The following PSME2 variants were observed in gnomAD, a reference collection of about 807,000 sequenced individuals.
PSME2 encodes the protein proteasome activator subunit 2, also known as proteasome activator complex subunit 2.
PSME2 carries 20 observed loss-of-function variants against 38.8 expected under a neutral mutation model. The ratio of observed to expected loss-of-function variants is 0.52; its 90% CI spans 0.36 to 0.75. The LOEUF is 0.75. Ranked by LOEUF, PSME2 falls within the 30% of genes least tolerant of loss-of-function variation. The probability of loss-of-function intolerance (pLI) is 0.00; values close to 1 mark genes in which losing one functional copy is unlikely to be tolerated. For missense variants in PSME2, 227 were observed against 287.6 expected, an observed-to-expected ratio of 0.79 and a Z score of 1.52; for synonymous variants, 82 against 102.5, an observed-to-expected ratio of 0.80 and a Z score of 1.21.
Position 24,143,434 on chromosome 14 carries a change from C to T in PSME2, c.695G>A (p.Gly232Asp). 1.2e-6 allele frequency: 2 copies of T among 1,614,112 alleles called. No individual in the cohort carries two copies. The highest frequency in any genetic ancestry group is 1.7e-6 in the Non-Finnish European group (2 of 1,179,986). The stretch of plus-strand genomic sequence containing the variant: ...TCAGTACATAGATGGCTTTTCTTCA[C>T]CCTTTGGGTTGACAATTTTCTCCAG... Reference protein sequence around the residue: ...SNLEKIVNPKGEEKPSMY With the variant: ...SNLEKIVNPKDEEKPSMY The change falls in exon 11 of 11, where the codon GGT becomes GAT. Residue 232 changes from glycine to aspartate, a missense_variant. Physicochemically the swap from Gly to Asp is moderately conservative, Grantham distance 94. Transcript: ENST00000216802. The surrounding 1 kb of genome is among the most constrained non-coding windows in gnomAD (Gnocchi z 4.4).
In PSME2 at chr14:24,143,910, G is replaced by C; in HGVS notation, c.552+65C>G. The C allele has an allele frequency of 6.5e-7, 1 of 1,547,402 alleles. No individual in the cohort carries two copies. Among genetic ancestry groups the C allele is most frequent in the Non-Finnish European group, 8.9e-7 (1 of 1,121,470 alleles). On this transcript the variant is annotated intron_variant, in intron 9 of 10. Coordinates refer to ENST00000216802, the MANE Select transcript of PSME2 (RefSeq NM_002818.3). The surrounding 1 kb of genome is among the most constrained non-coding windows in gnomAD (Gnocchi z 4.4). Reference sequence around the variant, plus strand: ...GGGAAAGTCACAAACAAGACAAGGAGGACTTCTTCCTCCACACCTCCTCGT... The same window carrying C: ...GGGAAAGTCACAAACAAGACAAGGACGACTTCTTCCTCCACACCTCCTCGT...
In PSME2 at chr14:24,145,360, T is replaced by C. The variant is rs1308846805; in HGVS notation, c.231+19A>G. ...TCCATTGGGTTTATAGTCCAAGTCCTGCACCCTGAGTGCCTCACCTCATCA... is the reference window on the plus strand; with the variant it reads ...TCCATTGGGTTTATAGTCCAAGTCCCGCACCCTGAGTGCCTCACCTCATCA... On this transcript the variant is annotated intron_variant, in intron 4 of 10. Coordinates refer to ENST00000216802, the MANE Select transcript of PSME2 (RefSeq NM_002818.3). The C allele has an allele frequency of 2.5e-6, 4 of 1,607,854 alleles. No homozygotes were observed. In the Admixed American group the frequency reaches 5.0e-5, roughly 20 times the overall value.
intron 6 of PSME2, 175 bp from the exon 7 acceptor site, chr14:24,144,643 G>A (rs1308792207): frequency 1.5e-6 from 1 of 683,476 alleles, no homozygotes; most frequent in Non-Finnish European, 2.5e-6. Context: ...TGTATTTATT[G>A]TACCCATTTA....
rs772439607 is a variant in PSME2 at position 24,144,271 on chromosome 14, C to T, written c.430-12G>A. 8.7e-6 allele frequency: 14 copies of T among 1,613,960 alleles called. No homozygotes were observed. Among genetic ancestry groups the T allele is most frequent in the African/African-American group, 2.7e-5 (2 of 74,920 alleles). On this transcript the variant is annotated splice_polypyrimidine_tract_variant and intron_variant, in intron 7 of 10. Transcript: ENST00000216802. ...TCCAGCACCTTCTCCTGTGGTGACACGGGAGGCAAAGACAACACTTCATGT... is the reference window on the plus strand; with the variant it reads ...TCCAGCACCTTCTCCTGTGGTGACATGGGAGGCAAAGACAACACTTCATGT...
Position 24,145,767 on chromosome 14 carries a change from C to T in PSME2, c.87G>A (p.Glu29=), listed in dbSNP as rs1356178363. ...GTGGCAAGAATCTGTAGAGGAATTC[C>T]TCAGCCTGTGGGTTACATTGCAAGG... is the stretch of plus-strand genomic sequence containing the variant. ...VFRQNLFQEA[E]EFLYRFLPQK... Residue 29 remains glutamate (E), a synonymous_variant, in exon 3 of 11, where the codon GAG becomes GAA. Transcript: ENST00000216802. 6.2e-7 allele frequency: 1 copy of T among 1,613,392 alleles called. No homozygotes were observed. The highest frequency in any genetic ancestry group is 1.1e-5 in the South Asian group (1 of 91,054).
chr14:24,144,465 T>A lies in PSME2; in HGVS notation c.364A>T (p.Ile122Phe). Residue 122 changes from isoleucine (I) to phenylalanine (F), a missense_variant, in exon 7 of 11, where the codon ATT (isoleucine) becomes TTT (phenylalanine). By Grantham distance (21) the Ile-to-Phe change is conservative. This residue lies in a region of PSME2 where 48 missense variants were observed against 96.4 expected (regional missense o/e 0.50). Coordinates refer to ENST00000216802, the MANE Select transcript of PSME2 (RefSeq NM_002818.3). ...WTLKEKCILV[I>F]TWIQHLIPKI... Reference sequence around the variant, plus strand: ...GGGATCAGGTGTTGGATCCATGTAATCACCTGTGTTAAGAGGTATCATGTA... The same window carrying A: ...GGGATCAGGTGTTGGATCCATGTAAACACCTGTGTTAAGAGGTATCATGTA... 6.2e-7 allele frequency: 1 copy of A among 1,610,754 alleles called. No homozygotes were observed. Among genetic ancestry groups the A allele is most frequent in the Non-Finnish European group, 8.5e-7 (1 of 1,176,880 alleles).
chr14:24,145,505 C>T, intron 3 of PSME2, 40 bp from the exon 4 acceptor site: 3 of 1,529,136 alleles, frequency 2.0e-6, no homozygotes, highest in Non-Finnish European at 2.6e-6. Context: ...CAACCTCTTC[C>T]CTTCATCCTA....
In PSME2 at chr14:24,143,658, G is replaced by T; in HGVS notation, c.566C>A (p.Ala189Asp). The T allele has an allele frequency of 6.2e-7, 1 of 1,614,080 alleles. No individual in the cohort carries two copies. ...TGCCTCATCTCGCTCATGCACCAAG[G>T]CCCGGTAATCCATCTGCAATGTGGG... The part of the protein sequence containing the change: ...SKETHVMDYR[A>D]LVHERDEAAY... Residue 189 changes from alanine to aspartate, a missense_variant, in exon 10 of 11, where the codon GCC becomes GAC. Around this residue, in one of 3 missense-constraint regions of PSME2, gnomAD observed 99 missense variants for 113.9 expected, o/e 0.87. Coordinates refer to ENST00000216802, the MANE Select transcript of PSME2 (RefSeq NM_002818.3). This position sits in a 1 kb window ranked among gnomAD's most constrained non-coding sequence, Gnocchi z 4.4.
intron 6 of PSME2, 78 bp downstream of exon 6, chr14:24,144,980 G>T: frequency 7.2e-7 from 1 of 1,394,452 alleles, no homozygotes; most frequent in Non-Finnish European, 1.0e-6. Flanking sequence ...TCTGTATGAA[G>T]GACTTGTATC....
Position 24,143,734 on chromosome 14 carries a change from C to T in PSME2, c.553-63G>A, listed in dbSNP as rs758375792. 9 of 1,537,982 alleles carry T rather than the reference C, an allele frequency of 5.9e-6. No individual in the cohort carries two copies. Among genetic ancestry groups the T allele is most frequent in the Non-Finnish European group, 8.1e-6 (9 of 1,112,894 alleles). On this transcript the variant is annotated intron_variant, in intron 9 of 10. Coordinates refer to ENST00000216802, the MANE Select transcript of PSME2 (RefSeq NM_002818.3). This position sits in a 1 kb window ranked among gnomAD's most constrained non-coding sequence, Gnocchi z 4.4. ...GAGGCTGGGACATGAGTCTGGTTTC[C>T]TTTTATAGGAAATAGGTTAACTTGA...
At chr14:24,144,919 G>A (rs1050244841) in intron 6 of PSME2, 139 bp downstream of exon 6, 2 of 831,532 alleles carry the variant, frequency 2.4e-6, no homozygotes, top group African/African-American at 1.7e-5. Context: ...GAGAACAAAG[G>A]GGATCTAAGC....
chr14:24,143,561 C>T lies in PSME2; in HGVS notation c.639+24G>A, dbSNP rs765145427. 22 of 1,613,534 alleles carry T rather than the reference C, an allele frequency of 1.4e-5. No homozygotes were observed. The highest frequency in any genetic ancestry group is 2.2e-5 in the South Asian group (2 of 91,064). On this transcript the variant is annotated intron_variant, in intron 10 of 10. Transcript: ENST00000216802. This position sits in a 1 kb window ranked among gnomAD's most constrained non-coding sequence, Gnocchi z 4.4. ...TGCCTGCCCCCACTCATCCACCTCC[C>T]CTAAAGCCTTACTCCACACTCACAT...
At chr14:24,144,580 G>A (rs1158310944) in intron 6 of PSME2, 112 bp from the exon 7 acceptor site, 2 of 975,156 alleles carry the variant, frequency 2.1e-6, no homozygotes, top group South Asian at 1.4e-5. Context: ...TACATACCAG[G>A]TACTGTGCCA....
chr14:24,143,602 C>G lies in PSME2; in HGVS notation c.622G>C (p.Asp208His), dbSNP rs921615261. 1.9e-6 allele frequency: 3 copies of G among 1,614,132 alleles called. No individual in the cohort carries two copies. Among genetic ancestry groups the G allele is most frequent in the Admixed American group, 1.7e-5 (1 of 60,018 alleles). ...ACACTCACATAGAAGGCCCTCAGGT[C>G]CAGCACCATGGCCCTGAGCTCCCCA... ...AYGELRAMVLDLRAFYAELYH... is the reference protein window; with the variant it reads ...AYGELRAMVLHLRAFYAELYH... The change falls in exon 10 of 11, where the codon GAC becomes CAC. Residue 208 changes from aspartate to histidine, a missense_variant. By Grantham distance (81) the Asp-to-His change is moderately conservative. Around this residue, in one of 3 missense-constraint regions of PSME2, gnomAD observed 99 missense variants for 113.9 expected, o/e 0.87. Coordinates refer to ENST00000216802, the MANE Select transcript of PSME2 (RefSeq NM_002818.3). This position sits in a 1 kb window ranked among gnomAD's most constrained non-coding sequence, Gnocchi z 4.4.
At position 24,145,480 on chromosome 14, in the gene PSME2, C is replaced by T; in HGVS notation, c.145-15G>A. The T allele has an allele frequency of 6.5e-7, 1 of 1,540,788 alleles. No homozygotes were observed. Among genetic ancestry groups the T allele is most frequent in the Non-Finnish European group, 8.7e-7 (1 of 1,145,080 alleles). On this transcript the variant is annotated splice_polypyrimidine_tract_variant and intron_variant, in intron 3 of 10. Transcript: ENST00000216802. ...AGGGAGTCCTCCTGCACAGAGCTCACTGTCAAGGGCTGCCCAACCTCTTCC... is the reference window on the plus strand; with the variant it reads ...AGGGAGTCCTCCTGCACAGAGCTCATTGTCAAGGGCTGCCCAACCTCTTCC...
At chr14:24,144,514 A>G in intron 6 of PSME2, 46 bp from the exon 7 acceptor site, 1 of 1,548,110 alleles carries the variant, frequency 6.5e-7, no homozygotes, top group Non-Finnish European at 8.9e-7. Context: ...AAACATACTG[A>G]GTTCTTCCTA....
intron 7 of PSME2, 66 bp from the exon 8 acceptor site, chr14:24,144,325 C>T: frequency 6.2e-7 from 1 of 1,609,714 alleles, no homozygotes; most frequent in African/African-American, 1.3e-5. Context: ...TATCTTCCTC[C>T]TCCTCCTGGT....
In PSME2 at chr14:24,146,242, TAC is replaced by T; in HGVS notation, c.49-4_49-3del. On this transcript the variant is annotated splice_region_variant and splice_polypyrimidine_tract_variant and intron_variant, in intron 1 of 10. Coordinates refer to ENST00000216802, the MANE Select transcript of PSME2 (RefSeq NM_002818.3). ...AAGATTCTGTCTGAAGACCTCCACC[TAC>T]ACAGAGAGCAGTACCCGGATGTTGG... is the stretch of plus-strand genomic sequence containing the variant. The T allele has an allele frequency of 2.5e-6, 4 of 1,613,776 alleles. No individual in the cohort carries two copies. Among genetic ancestry groups the T allele is most frequent in the Non-Finnish European group, 3.4e-6 (4 of 1,179,720 alleles).
chr14:24,143,469 G>A lies in PSME2; in HGVS notation c.660C>T (p.Ile220=). Residue 220 remains isoleucine, a synonymous_variant, in exon 11 of 11, where the codon ATC becomes ATT. Transcript: ENST00000216802. This position sits in a 1 kb window ranked among gnomAD's most constrained non-coding sequence, Gnocchi z 4.4. The part of the protein sequence containing the change: ...RAFYAELYHI[I]SSNLEKIVNP... The stretch of plus-strand genomic sequence containing the variant: ...TGACAATTTTCTCCAGGTTGCTGCT[G>A]ATGATATGATAAAGCTCAGCCTGGG... The A allele has an allele frequency of 6.2e-7, 1 of 1,614,188 alleles. No homozygotes were observed. Among genetic ancestry groups the A allele is most frequent in the African/African-American group, 1.3e-5 (1 of 75,032 alleles).
Sources: allele counts gnomAD v4.1 joint callset, GRCh38; gene constraint gnomAD v4.1.1; regional missense constraint gnomAD v4.1.1; non-coding constraint Gnocchi (gnomAD v3.1); transcripts MANE v1.5; gene names NCBI Gene and HGNC (gene_info 2026-07-23, HGNC 2026-07-21).